Variants in DNAH9 observed in about 807,000 individuals in gnomAD.
DNAH9 encodes DNAH9 variant protein.
A neutral mutation model predicts 471.6 loss-of-function variants in DNAH9; 345 were observed. That is an observed-to-expected ratio of 0.73 (90% CI 0.67 to 0.80). DNAH9 has a LOEUF of 0.80. Among genes scored for constraint, DNAH9 ranks in the 30% least tolerant of loss-of-function variants. The pLI is 0.00. For missense variants in DNAH9, 5,407 were observed against 5,609.2 expected, an observed-to-expected ratio of 0.96 and a Z score of 1.15; for synonymous variants, 2,093 against 2,123.6, an observed-to-expected ratio of 0.99 and a Z score of 0.40.
In DNAH9 at chr17:11,747,794, G is replaced by C. The variant is rs373220627; in HGVS notation, c.6610+28G>C. The C allele has an allele frequency of 6.3e-6, 10 of 1,593,792 alleles. No homozygotes were observed. In the South Asian group the frequency reaches 6.6e-5, roughly 11 times the overall value. ...AAGAGTGGGATTCTCCCAGGAGAAA[G>C]TCTCTGCTAGCCTCAGAGTCCCTGT... is the stretch of plus-strand genomic sequence containing the variant. On this transcript the variant is annotated intron_variant, in intron 32 of 68. Coordinates refer to ENST00000262442, the MANE Select transcript of DNAH9 (RefSeq NM_001372.4).
chr17:11,965,200 G>A (rs927018963), intron 68 of DNAH9, among the ~76,000 whole-genome samples: 1 of 152,212 alleles, frequency 6.6e-6, no homozygotes, highest in Non-Finnish European at 1.5e-5. Context: ...AGAGAGTTGA[G>A]AAGGCAGTAC....
chr17:11,783,295 G>A lies in DNAH9; in HGVS notation c.7719-351G>A, dbSNP rs192951158. Among the ~76,000 whole-genome samples, 19 of 152,286 alleles carry A rather than the reference G, an allele frequency of 1.2e-4. No individual in the cohort carries two copies. In the East Asian group the frequency reaches 3.5e-3, roughly 28 times the overall value. ...TGCATTCTCTCCCTTAGACACCCCT[G>A]CTGAAGTCACTACCTTTGTTATTCT... On this transcript the variant is annotated intron_variant, in intron 39 of 68. Coordinates refer to ENST00000262442, the MANE Select transcript of DNAH9 (RefSeq NM_001372.4).
chr17:11,753,194 C>T (rs1306841684), intron 33 of DNAH9, among the ~76,000 whole-genome samples: 1 of 152,222 alleles, frequency 6.6e-6, no homozygotes, highest in Non-Finnish European at 1.5e-5. Flanking sequence ...TTATAATTTG[C>T]ATCAGAATGT....
intron 14 of DNAH9, among the ~76,000 whole-genome samples, chr17:11,657,068 C>T (rs1051515637): frequency 6.6e-6 from 1 of 152,148 alleles, no homozygotes; most frequent in Non-Finnish European, 1.5e-5. Context: ...ATTCCATGGA[C>T]ATATGTTTTC....
At chr17:11,616,596 A>G (rs1351887258) in intron 4 of DNAH9, among the ~76,000 whole-genome samples, 1 of 152,224 alleles carries the variant, frequency 6.6e-6, no homozygotes, top group African/African-American at 2.4e-5. Flanking sequence ...GGTTGTATTC[A>G]GAGGAGATGG....
chr17:11,800,217 C>T (rs1969403301), intron 43 of DNAH9, among the ~76,000 whole-genome samples: 2 of 152,010 alleles, frequency 1.3e-5, no homozygotes, highest in Admixed American at 1.3e-4. Flanking sequence ...ATGTGTATCC[C>T]TGCATCCCTC....
chr17:11,939,004 C>G (rs1974808603), intron 66 of DNAH9, among the ~76,000 whole-genome samples: 1 of 152,170 alleles, frequency 6.6e-6, no homozygotes, highest in Non-Finnish European at 1.5e-5. Flanking sequence ...GGAAAGCAAA[C>G]TGATACTAAA....
intron 17 of DNAH9, among the ~76,000 whole-genome samples, chr17:11,670,686 C>T (rs1388155293): frequency 6.6e-6 from 1 of 150,826 alleles, no homozygotes; most frequent in African/African-American, 2.5e-5. Flanking sequence ...CCTAGGAAAC[C>T]CCAAGAACGC....
chr17:11,839,448 G>A (rs893110639), intron 49 of DNAH9, among the ~76,000 whole-genome samples: 11 of 151,864 alleles, frequency 7.2e-5, no homozygotes, highest in African/African-American at 1.9e-4. Context: ...CCCCGGAGGC[G>A]GAGCTTGCAG....
At chr17:11,803,888 A>G (rs1415581102) in intron 43 of DNAH9, among the ~76,000 whole-genome samples, 1 of 152,144 alleles carries the variant, frequency 6.6e-6, no homozygotes. Context: ...GAATCAGGAG[A>G]GAGAGGCTGG....
At chr17:11,697,661 G>GTC (rs1316401243) in intron 22 of DNAH9, among the ~76,000 whole-genome samples, 1 of 151,938 alleles carries the variant, frequency 6.6e-6, no homozygotes, top group East Asian at 1.9e-4. Context: ...TCATACTTCC[G>GTC]TAAGCTGAGA....
rs1166359129 is a variant in DNAH9, at chr17:11,682,014, C to T, written c.3743+1125C>T. ...AGAGATCATTCTTGAAAGTGTGTAG[C>T]ACTGTGTCTGGTACTATGGTGAAAA... On this transcript the variant is annotated intron_variant, in intron 19 of 68. Transcript: ENST00000262442. Among the ~76,000 whole-genome samples the T allele has an allele frequency of 3.3e-5, 5 of 152,158 alleles. No homozygotes were observed. The East Asian group carries it at 9.7e-4, about 29-fold the overall frequency.
intron 43 of DNAH9, among the ~76,000 whole-genome samples, chr17:11,800,686 C>T (rs909484556): frequency 6.6e-6 from 1 of 152,136 alleles, no homozygotes; most frequent in Non-Finnish European, 1.5e-5. Context: ...GGTGACCACA[C>T]GTCTTGCTGA....
intron 12 of DNAH9, among the ~76,000 whole-genome samples, chr17:11,647,706 A>T (rs1040978130): frequency 5.3e-5 from 8 of 152,194 alleles, no homozygotes; most frequent in Admixed American, 5.2e-4. Context: ...CCCTCAAGGA[A>T]CCCACGGTCT....
intron 45 of DNAH9, among the ~76,000 whole-genome samples, chr17:11,813,421 C>T (rs1005022000): frequency 7.2e-5 from 11 of 152,110 alleles, no homozygotes; most frequent in African/African-American, 2.4e-4. Flanking sequence ...TAACCGACTG[C>T]CAGTTCAGCC....
chr17:11,892,187 T>A lies in DNAH9; in HGVS notation c.11283+240T>A, dbSNP rs1973074442. ...ACTTTTTCTTGCTGATCCTGGAAGA[T>A]CTAAGATCTTCCTCAGCACAGCACT... On this transcript the variant is annotated intron_variant, in intron 58 of 68. Coordinates refer to ENST00000262442, the MANE Select transcript of DNAH9 (RefSeq NM_001372.4). This position sits in a 1 kb window ranked among gnomAD's most constrained non-coding sequence, Gnocchi z 4.3. 6.6e-6 allele frequency among the ~76,000 whole-genome samples: 1 copy of A among 152,110 alleles called. No homozygotes were observed. The highest frequency in any genetic ancestry group is 2.1e-4 in the South Asian group (1 of 4,828).
chr17:11,700,501 C>T (rs181472683), intron 23 of DNAH9, among the ~76,000 whole-genome samples: 256 of 152,218 alleles, frequency 1.7e-3, no homozygotes, highest in South Asian at 4.2e-3. Flanking sequence ...TAAATATAAG[C>T]CTTTCTTTAT....
chr17:11,869,585 A>G (rs924004270), intron 51 of DNAH9, among the ~76,000 whole-genome samples: 4 of 152,200 alleles, frequency 2.6e-5, no homozygotes, highest in African/African-American at 9.6e-5. Context: ...GCAAACCATG[A>G]CATTCCTATC....
rs71142258 is a variant in DNAH9, at chr17:11,952,139, CTTTTT to C, written c.12843+9670_12843+9674del. Among the ~76,000 whole-genome samples the C allele has an allele frequency of 9.8e-5, 10 of 101,996 alleles. No individual in the cohort carries two copies. In the South Asian group the frequency reaches 1.7e-3, roughly 18 times the overall value. 66.9% of individuals were successfully genotyped at this position (101,996 alleles called of 152,430 possible). On this transcript the variant is annotated intron_variant, in intron 67 of 68. Transcript: ENST00000262442. The stretch of plus-strand genomic sequence containing the variant: ...GTATGTTTTTGCCAAAGCTATATTA[CTTTTT>C]TTTTTTTTTTTTTTTGACAGAGTCT...
Sources: gnomAD v4.1 joint callset for allele counts (sites outside exome capture counted in the v4.1 genomes callset) on GRCh38, gnomAD v4.1.1 for gene constraint, Gnocchi (gnomAD v3.1) non-coding constraint, MANE v1.5 for transcripts, NCBI Gene and HGNC (gene_info 2026-07-23, HGNC 2026-07-21) for gene names.